The following COL19A1 variants were observed in gnomAD, a reference collection of about 807,000 sequenced individuals.
The protein encoded by COL19A1 is collagen type XIX alpha 1 chain.
In COL19A1, 159 loss-of-function variants were observed where a neutral mutation model predicts 190.2. The observed-to-expected ratio is 0.84, with a 90% CI of 0.73 to 0.95. COL19A1 has a LOEUF of 0.95. COL19A1 is among the 40% of genes least tolerant of loss of function. COL19A1 has a pLI of 0.00. For missense variants in COL19A1, 1,418 were observed against 1,431.9 expected, an observed-to-expected ratio of 0.99 and a Z score of 0.16; for synonymous variants, 509 against 458.9, an observed-to-expected ratio of 1.11 and a Z score of -1.39.
At chr6:70,175,159 T>G (rs773221530) in intron 41 of COL19A1, among the ~76,000 whole-genome samples, 2 of 152,192 alleles carry the variant, frequency 1.3e-5, no homozygotes, top group Non-Finnish European at 2.9e-5. Flanking sequence ...TTCTATCAGT[T>G]ATTTTTTTCT....
intron 14 of COL19A1, 46 bp from the exon 15 acceptor site, chr6:70,068,377 G>A (rs374218193): frequency 6.7e-5 from 76 of 1,129,312 alleles, no homozygotes; most frequent in Admixed American, 1.0e-4. Context: ...TGTGAGGCAG[G>A]TGTACTTGAA....
rs527972007 is a variant in COL19A1 at position 70,183,385 on chromosome 6, G to T, written c.2776-1318G>T. Among the ~76,000 whole-genome samples the T allele has an allele frequency of 3.9e-5, 6 of 152,268 alleles. No homozygotes were observed. In the East Asian group the frequency reaches 7.7e-4, roughly 20 times the overall value. ...AGCAGGGCTGCCCTGTGGATAGAAA[G>T]TAACACCTTCCTATACAAAAGAGAA... On this transcript the variant is annotated intron_variant, in intron 44 of 50. Coordinates refer to ENST00000620364, the MANE Select transcript of COL19A1 (RefSeq NM_001858.6).
chr6:70,153,688 G>C (rs1787234277), intron 31 of COL19A1, among the ~76,000 whole-genome samples: 1 of 152,124 alleles, frequency 6.6e-6, no homozygotes, highest in Admixed American at 6.5e-5. Context: ...TGCCATGTTT[G>C]TGTCTGCAGA....
chr6:70,092,994 A>C (rs1783022772), intron 15 of COL19A1, among the ~76,000 whole-genome samples: 1 of 152,174 alleles, frequency 6.6e-6, no homozygotes, highest in Non-Finnish European at 1.5e-5. Flanking sequence ...ATTTCTATTA[A>C]ATAAGACTTA....
chr6:70,126,275 G>C (rs559749524), intron 17 of COL19A1, among the ~76,000 whole-genome samples: 1 of 152,028 alleles, frequency 6.6e-6, no homozygotes, highest in East Asian at 1.9e-4. Context: ...AAATCCAATA[G>C]ACAAGGCCTT....
chr6:70,136,110 A>G (rs541224472), intron 18 of COL19A1, among the ~76,000 whole-genome samples: 2 of 152,340 alleles, frequency 1.3e-5, no homozygotes, highest in South Asian at 2.1e-4. Flanking sequence ...TAGTAAAATT[A>G]AGATTAAATT....
intron 44 of COL19A1, among the ~76,000 whole-genome samples, chr6:70,181,011 A>G (rs959756185): frequency 6.6e-6 from 1 of 152,210 alleles, no homozygotes; most frequent in African/African-American, 2.4e-5. Context: ...GCTCTTGGTT[A>G]CTGATCTGTG....
In COL19A1 at chr6:69,960,021, C is replaced by T. The variant is rs772921633; in HGVS notation, c.962C>T (p.Pro321Leu). The change falls in exon 10 of 51, where the codon CCA becomes CTA. Residue 321 changes from proline (P) to leucine (L), a missense_variant. Transcript: ENST00000620364. ...EPGENGLHGA[P>L]GFPGQKGEQG... ...GGTGAAAATGGTTTACATGGTGCTC[C>T]AGGATTCCCTGGTCAAAAGGTAAAG... The T allele has an allele frequency of 1.4e-5, 22 of 1,613,372 alleles. No individual in the cohort carries two copies. The highest frequency in any genetic ancestry group is 1.7e-5 in the Non-Finnish European group (20 of 1,179,678).
chr6:69,955,997 A>C (rs1774399958), intron 9 of COL19A1, among the ~76,000 whole-genome samples: 1 of 152,058 alleles, frequency 6.6e-6, no homozygotes, highest in Non-Finnish European at 1.5e-5. Flanking sequence ...TTGGTGCCTC[A>C]TCAGATTCTT....
intron 17 of COL19A1, among the ~76,000 whole-genome samples, chr6:70,129,349 A>G (rs1785383712): frequency 6.6e-6 from 1 of 152,254 alleles, no homozygotes; most frequent in Non-Finnish European, 1.5e-5. Context: ...GGCCAATTTT[A>G]GCTACATTTT....
chr6:70,060,099 T>G (rs1780736540), intron 14 of COL19A1, among the ~76,000 whole-genome samples: 1 of 152,110 alleles, frequency 6.6e-6, no homozygotes, highest in African/African-American at 2.4e-5. Context: ...AATTTGTAAA[T>G]GAACTATAAG....
intron 46 of COL19A1, among the ~76,000 whole-genome samples, chr6:70,185,547 G>A (rs954507471): frequency 6.6e-6 from 1 of 152,156 alleles, no homozygotes; most frequent in Non-Finnish European, 1.5e-5. Context: ...TGCCAATTAT[G>A]TTATATGGTT....
intron 15 of COL19A1, among the ~76,000 whole-genome samples, chr6:70,078,443 G>C (rs973325516): frequency 3.9e-5 from 6 of 152,208 alleles, no homozygotes; most frequent in African/African-American, 7.2e-5. Context: ...GTCTCTCCCT[G>C]ATCTCACAAG....
intron 4 of COL19A1, among the ~76,000 whole-genome samples, chr6:69,909,088 CAATTA>C (rs1360249958): frequency 2.0e-5 from 3 of 151,964 alleles, no homozygotes; most frequent in African/African-American, 7.2e-5. Context: ...GTATTCTTAA[CAATTA>C]AATTACCCAA....
At chr6:69,984,316 G>T (rs1448560162) in intron 11 of COL19A1, among the ~76,000 whole-genome samples, 1 of 152,034 alleles carries the variant, frequency 6.6e-6, no homozygotes, top group African/African-American at 2.4e-5. Context: ...GTCAATGAAT[G>T]ACATATTTTT....
intron 13 of COL19A1, among the ~76,000 whole-genome samples, chr6:70,034,535 A>G (rs1779241442): frequency 6.6e-6 from 1 of 152,144 alleles, no homozygotes; most frequent in Non-Finnish European, 1.5e-5. Context: ...CCCTTTTCTC[A>G]CCCTTGCTTA....
intron 4 of COL19A1, among the ~76,000 whole-genome samples, chr6:69,919,450 A>C (rs528164707): frequency 4.5e-4 from 68 of 152,260 alleles, no homozygotes; most frequent in South Asian, 2.7e-3. Context: ...CAATTATACA[A>C]ATATAGAGTG....
chr6:70,148,738 C>G (rs935881199), intron 27 of COL19A1, among the ~76,000 whole-genome samples: 1 of 151,994 alleles, frequency 6.6e-6, no homozygotes, highest in African/African-American at 2.4e-5. Context: ...ACCAGTCTGG[C>G]CAACACAGTG....
intron 45 of COL19A1, 48 bp from the exon 46 acceptor site, chr6:70,184,823 G>T (rs745323030): frequency 6.2e-7 from 1 of 1,609,430 alleles, no homozygotes; most frequent in South Asian, 1.1e-5. Flanking sequence ...TCAGACTGAT[G>T]AAAAATCTTG....
Sources: gnomAD v4.1 joint callset for allele counts (sites outside exome capture counted in the v4.1 genomes callset) on GRCh38, gnomAD v4.1.1 for gene constraint, MANE v1.5 for transcripts, NCBI Gene and HGNC (gene_info 2026-07-23, HGNC 2026-07-21) for gene names.